Variants in FMN1 observed in about 807,000 individuals in gnomAD.
FMN1 encodes the protein formin 1, also known as formin-1.
In FMN1, 110 loss-of-function variants were observed where a neutral mutation model predicts 132.4. That is an observed-to-expected ratio of 0.83 (90% CI 0.71 to 0.97). The LOEUF is 0.97. Ranked by LOEUF, FMN1 falls within the 50% of genes least tolerant of loss-of-function variation. FMN1 has a pLI of 0.00. For synonymous variants in FMN1, 722 were observed against 651.7 expected (o/e 1.11, Z -1.64); for missense variants, 1,792 against 1,705.3 (o/e 1.05, Z -0.90).
At chr15:33,003,244 A>G (rs1331503491) in intron 7 of FMN1, among the ~76,000 whole-genome samples, 1 of 152,238 alleles carries the variant, frequency 6.6e-6, no homozygotes, top group Admixed American at 6.5e-5. Context: ...TCAATAGGAA[A>G]AGAGAAAGTC....
intron 6 of FMN1, among the ~76,000 whole-genome samples, chr15:33,008,584 T>C (rs1204864027): frequency 6.6e-6 from 1 of 152,192 alleles, no homozygotes; most frequent in East Asian, 1.9e-4. Context: ...AGAAAGTCAA[T>C]ACTATTTGTC....
intron 9 of FMN1, among the ~76,000 whole-genome samples, chr15:32,929,181 G>C (rs1036149771): frequency 6.6e-6 from 1 of 152,198 alleles, no homozygotes; most frequent in Non-Finnish European, 1.5e-5. Flanking sequence ...AAGCAGTGGT[G>C]AAGTTGGAGC....
intron 9 of FMN1, among the ~76,000 whole-genome samples, chr15:32,936,904 C>G (rs1337229178): frequency 1.3e-5 from 2 of 152,170 alleles, no homozygotes; most frequent in African/African-American, 4.8e-5. Flanking sequence ...TGGCCTCTGT[C>G]TACTGTACTG....
rs1391874145 is a variant in FMN1, at chr15:32,772,760, T to C, written c.*1550A>G. 2.0e-5 allele frequency: 3 copies of C among 152,194 alleles called. No homozygotes were observed. The highest frequency in any genetic ancestry group is 4.8e-5 in the African/African-American group (2 of 41,424). The allele number at this position is 152,194 out of a possible 1,614,324, so 9.4% of individuals were successfully genotyped here. A position where few individuals can be genotyped will look rare whatever the true frequency, so the allele number is the denominator to read the frequency against. The stretch of plus-strand genomic sequence containing the variant: ...GCAGTCTTCATTCTCGAAGCTGACA[T>C]TAGATTAGGATATGGTGCTGCTTTC... On this transcript the variant is annotated 3_prime_UTR_variant, in exon 21 of 21. Transcript: ENST00000616417.
intron 16 of FMN1, among the ~76,000 whole-genome samples, chr15:32,860,240 G>A (rs1447236585): frequency 6.6e-6 from 1 of 151,242 alleles, no homozygotes; most frequent in African/African-American, 2.4e-5. Flanking sequence ...AGGGAGGGAG[G>A]AAGGAAAGAA....
chr15:33,076,510 G>A (rs1566894076), intron 5 of FMN1, among the ~76,000 whole-genome samples: 1 of 152,110 alleles, frequency 6.6e-6, no homozygotes, highest in South Asian at 2.1e-4. Flanking sequence ...GAAAATCTAG[G>A]GAAGGTGGGG....
rs78953914 is a variant in FMN1, at chr15:33,094,968, G to A, written c.1868-5994C>T. Among the ~76,000 whole-genome samples the A allele has an allele frequency of 3.7e-4, 56 of 152,242 alleles. No individual in the cohort carries two copies. The East Asian group carries it at 4.4e-3, about 12-fold the overall frequency. On this transcript the variant is annotated intron_variant, in intron 4 of 20. Transcript: ENST00000616417. ...ATTCACTGAGACATTAAAAGCCTCC[G>A]TCTACTCCCAGATAATAAATGCTCA...
intron 11 of FMN1, 72 bp downstream of exon 11, chr15:32,910,402 T>C (rs2060529660): frequency 2.4e-6 from 3 of 1,254,218 alleles, no homozygotes; most frequent in African/African-American, 1.5e-5. Context: ...CCAAAGAACA[T>C]GAACAGCTCA....
intron 9 of FMN1, among the ~76,000 whole-genome samples, chr15:32,932,077 T>C (rs894563987): frequency 2.0e-5 from 3 of 152,184 alleles, no homozygotes; most frequent in Non-Finnish European, 2.9e-5. Flanking sequence ...TTGGTGATGG[T>C]ATATGATCCT....
At chr15:32,790,970 T>C (rs1369298696) in intron 19 of FMN1, among the ~76,000 whole-genome samples, 4 of 152,172 alleles carry the variant, frequency 2.6e-5, no homozygotes, top group Non-Finnish European at 4.4e-5. Flanking sequence ...TTAAGGGAGA[T>C]TTCAGAACAT....
At chr15:32,842,787 CTTTT>C (rs5811710) in intron 17 of FMN1, among the ~76,000 whole-genome samples, 1 of 139,942 alleles carries the variant, frequency 7.1e-6, no homozygotes, top group Admixed American at 7.2e-5. Context: ...GGAACCTCAG[CTTTT>C]TTTTTTTTTT....
intron 17 of FMN1, among the ~76,000 whole-genome samples, chr15:32,840,937 G>T (rs1016316654): frequency 1.3e-5 from 2 of 152,208 alleles, no homozygotes; most frequent in African/African-American, 2.4e-5. Context: ...ATAGACACAG[G>T]AGTGTCACAC....
At chr15:32,986,714 A>G (rs1195037573) in intron 7 of FMN1, among the ~76,000 whole-genome samples, 2 of 152,166 alleles carry the variant, frequency 1.3e-5, no homozygotes, top group South Asian at 4.1e-4. Flanking sequence ...TGAAGACAGA[A>G]TAACTTGGAA....
chr15:32,942,588 C>A (rs2061423829), intron 9 of FMN1, among the ~76,000 whole-genome samples: 1 of 152,222 alleles, frequency 6.6e-6, no homozygotes, highest in African/African-American at 2.4e-5. Flanking sequence ...TCCATGGAGC[C>A]TTCCCTGTCT....
At chr15:32,923,005 G>T (rs1279744189) in intron 10 of FMN1, among the ~76,000 whole-genome samples, 1 of 152,186 alleles carries the variant, frequency 6.6e-6, no homozygotes, top group Non-Finnish European at 1.5e-5. Flanking sequence ...GTTGTTGTAA[G>T]AAGGAATACT....
Position 32,969,020 on chromosome 15 carries a change from A to T in FMN1, c.2681T>A (p.Met894Lys). Reference protein sequence around the residue: ...GLGSLSPAPPMPPVSAGPPLP... With the variant: ...GLGSLSPAPPKPPVSAGPPLP... ...CGGTGGCCCAGCACTCACAGGTGGCATTGGAGGTGCGGGAGACAAAGATCC... is the reference window on the plus strand; with the variant it reads ...CGGTGGCCCAGCACTCACAGGTGGCTTTGGAGGTGCGGGAGACAAAGATCC... Residue 894 changes from methionine (M) to lysine (K), a missense_variant, in exon 8 of 21, where the codon ATG (methionine) becomes AAG (lysine). Physicochemically the swap from Met to Lys is moderately conservative, Grantham distance 95. Coordinates refer to ENST00000616417, the MANE Select transcript of FMN1 (RefSeq NM_001277313.2). 5 of 1,171,002 alleles carry T rather than the reference A, an allele frequency of 4.3e-6. No individual in the cohort carries two copies. The highest frequency in any genetic ancestry group is 5.8e-6 in the Non-Finnish European group (5 of 858,504). The allele number at this position is 1,171,002 out of a possible 1,614,324, so 72.5% of individuals were successfully genotyped here.
At position 32,770,854 on chromosome 15, in the gene FMN1, G is replaced by C. The variant is rs375338197; in HGVS notation, c.*3456C>G. ...AGAAAATCTTTATAATTCCTGAGTA[G>C]TTGCAGTGAGTGTGTAGAAAGACAC... On this transcript the variant is annotated 3_prime_UTR_variant, in exon 21 of 21. Transcript: ENST00000616417. 7 of 152,002 alleles carry C rather than the reference G, an allele frequency of 4.6e-5. No individual in the cohort carries two copies. The highest frequency in any genetic ancestry group is 1.7e-4 in the African/African-American group (7 of 41,386). The allele number at this position is 152,002 out of a possible 1,614,324, so 9.4% of individuals were successfully genotyped here. A position where few individuals can be genotyped will look rare whatever the true frequency, so the allele number is the denominator to read the frequency against.
At position 33,177,266 on chromosome 15, in the gene FMN1, G is replaced by A. The variant is rs776263841; in HGVS notation, c.-132+2932C>T. Among the ~76,000 whole-genome samples, 185 of 152,256 alleles carry A rather than the reference G, an allele frequency of 1.2e-3. 1 individual carries two copies. Among genetic ancestry groups the A allele is most frequent in the Non-Finnish European group, 1.8e-3 (122 of 68,026 alleles). ...GATTGGGGACAATAGGTCTTATTCA[G>A]AAAACAGGCCTACTCATTTACTAAT... On this transcript the variant is annotated intron_variant, in intron 3 of 20. Coordinates refer to ENST00000616417, the MANE Select transcript of FMN1 (RefSeq NM_001277313.2).
At chr15:33,145,622 G>T (rs903955205) in intron 4 of FMN1, among the ~76,000 whole-genome samples, 4 of 151,268 alleles carry the variant, frequency 2.6e-5, no homozygotes, top group African/African-American at 4.9e-5. Context: ...GCTACCCTCG[G>T]ATGTGGCTCA....
Sources: gnomAD v4.1 joint callset for allele counts (sites outside exome capture counted in the v4.1 genomes callset) on GRCh38, gnomAD v4.1.1 for gene constraint, MANE v1.5 for transcripts, NCBI Gene and HGNC (gene_info 2026-07-23, HGNC 2026-07-21) for gene names.